Variants in DCT observed in about 807,000 individuals in gnomAD.
DCT encodes the protein dopachrome tautomerase, also known as L-dopachrome tautomerase.
Under a neutral mutation model 53.0 loss-of-function variants are expected in DCT, and 47 were observed. The observed-to-expected ratio is 0.89, with a 90% CI of 0.70 to 1.13. The LOEUF (loss-of-function observed/expected upper bound fraction) is 1.13, where lower values mean the gene tolerates loss of function less well. DCT is among the 50% of genes most tolerant of loss of function. The pLI, the probability that DCT is intolerant of heterozygous loss-of-function variation, is 0.00. For synonymous variants in DCT, 244 were observed against 237.0 expected, an observed-to-expected ratio of 1.03 and a Z score of -0.27; for missense variants, 669 against 637.4, an observed-to-expected ratio of 1.05 and a Z score of -0.53.
chr13:94,484,883 G>T, the DCT span, among the ~76,000 whole-genome samples: 1 of 152,202 alleles, frequency 6.6e-6, no homozygotes, highest in African/African-American at 2.4e-5. Flanking sequence ...ATGCAGTTCA[G>T]CTCCTAACAG....
chr13:94,462,077 G>T lies in DCT; in HGVS notation c.976C>A (p.Arg326=), dbSNP rs148575940. The stretch of plus-strand genomic sequence containing the variant: ...AACTTCTGGAGAGACAGGCAATCTC[G>T]TATGTCTTTTAAGGTTGGCAATTTC... ...SMKLPTLKDI[R]DCLSLQKFDN... Residue 326 remains arginine, a synonymous_variant, in exon 5 of 8, where the codon CGA becomes AGA. Transcript: ENST00000377028. 7 of 1,612,874 alleles carry T rather than the reference G, an allele frequency of 4.3e-6. No individual in the cohort carries two copies. The East Asian group carries it at 8.9e-5, about 21-fold the overall frequency.
intron 6 of DCT, among the ~76,000 whole-genome samples, chr13:94,458,480 T>G (rs1024450529): frequency 1.1e-4 from 17 of 152,094 alleles, no homozygotes; most frequent in African/African-American, 3.9e-4. Flanking sequence ...TTGTTTGTCT[T>G]AGAAAAGTTC....
intron 4 of DCT, among the ~76,000 whole-genome samples, chr13:94,464,165 G>A (rs752407522): frequency 8.5e-5 from 13 of 152,204 alleles, no homozygotes; most frequent in Admixed American, 6.5e-5. Flanking sequence ...GAGCACTGTA[G>A]GAAATGTACA....
chr13:94,472,440 A>G (rs1884704800), intron 1 of DCT, among the ~76,000 whole-genome samples: 1 of 147,872 alleles, frequency 6.8e-6, no homozygotes, highest in South Asian at 2.2e-4. Flanking sequence ...CATAGCTTTT[A>G]TGTTATAAAA....
At chr13:94,534,863 G>A in the DCT span, among the ~76,000 whole-genome samples, 11 of 152,338 alleles carry the variant, frequency 7.2e-5, no homozygotes, top group South Asian at 1.0e-3. Context: ...GCTGAGAGTT[G>A]CTATTAGCCG....
chr13:94,526,243 T>C, the DCT span, among the ~76,000 whole-genome samples: 61 of 152,370 alleles, frequency 4.0e-4, no homozygotes, highest in South Asian at 6.4e-3. Flanking sequence ...TCAGGCCCTG[T>C]GGGATGCCCT....
At chr13:94,548,508 T>C in the DCT span, among the ~76,000 whole-genome samples, 1 of 152,068 alleles carries the variant, frequency 6.6e-6, no homozygotes, top group African/African-American at 2.4e-5. Context: ...CACAAATAGA[T>C]AGATATTTCT....
At chr13:94,540,409 G>A in the DCT span, among the ~76,000 whole-genome samples, 1 of 152,280 alleles carries the variant, frequency 6.6e-6, no homozygotes, top group East Asian at 1.9e-4. Context: ...GAGAAAGACT[G>A]TGGGAGATCA....
chr13:94,506,638 A>G, the DCT span, among the ~76,000 whole-genome samples: 3 of 152,354 alleles, frequency 2.0e-5, no homozygotes, highest in South Asian at 6.2e-4. Context: ...GACAAATTCC[A>G]CAGTAATCAT....
chr13:94,541,496 C>A, the DCT span, among the ~76,000 whole-genome samples: 1 of 138,130 alleles, frequency 7.2e-6, no homozygotes, highest in African/African-American at 2.8e-5. Context: ...AGGAGCGAAA[C>A]CCTGTCTCAA....
At chr13:94,471,527 G>T (rs1884643802) in intron 1 of DCT, among the ~76,000 whole-genome samples, 1 of 152,154 alleles carries the variant, frequency 6.6e-6, no homozygotes, top group Non-Finnish European at 1.5e-5. Context: ...TTATGAAGCG[G>T]CTACTATCTC....
chr13:94,514,623 G>A, the DCT span, among the ~76,000 whole-genome samples: 1 of 152,198 alleles, frequency 6.6e-6, no homozygotes, highest in Non-Finnish European at 1.5e-5. Context: ...AGAGTGGGGA[G>A]CACGTGGGCA....
upstream of DCT, among the ~76,000 whole-genome samples, chr13:94,484,009 G>C (rs1885559082): frequency 6.6e-6 from 1 of 152,076 alleles, no homozygotes; most frequent in African/African-American, 2.4e-5. Context: ...ATCCACTCAG[G>C]CTAACTCACG....
the DCT span, among the ~76,000 whole-genome samples, chr13:94,548,426 C>T: frequency 6.6e-6 from 1 of 152,142 alleles, no homozygotes; most frequent in African/African-American, 2.4e-5. Context: ...AAGCATACAT[C>T]TCACAATGGT....
the DCT span, among the ~76,000 whole-genome samples, chr13:94,499,877 A>G: frequency 6.6e-6 from 1 of 152,264 alleles, no homozygotes; most frequent in East Asian, 1.9e-4. Context: ...CCTCAGCTTT[A>G]TTGAGGTTAT....
the DCT span, among the ~76,000 whole-genome samples, chr13:94,527,938 C>A: frequency 4.6e-5 from 7 of 152,190 alleles, no homozygotes; most frequent in Non-Finnish European, 1.0e-4. Context: ...GTAGAGAAGA[C>A]CGTAAATGAC....
Position 94,439,366 on chromosome 13 carries a change from A to T in DCT, c.*532T>A, listed in dbSNP as rs572576913. The T allele has an allele frequency of 3.9e-5, 6 of 152,344 alleles. No homozygotes were observed. The highest frequency in any genetic ancestry group is 7.3e-5 in the Non-Finnish European group (5 of 68,188). The allele number at this position is 152,344 out of a possible 1,614,324, so 9.4% of individuals were successfully genotyped here. A position where few individuals can be genotyped will look rare whatever the true frequency, so the allele number is the denominator to read the frequency against. Reference sequence around the variant, plus strand: ...AAAAGAAGAAAAAGAAGCCCAAGGAAGATAATCAGGAGGGTGCCTAGAAGC... The same window carrying T: ...AAAAGAAGAAAAAGAAGCCCAAGGATGATAATCAGGAGGGTGCCTAGAAGC... On this transcript the variant is annotated 3_prime_UTR_variant, in exon 8 of 8. Coordinates refer to ENST00000377028, the MANE Select transcript of DCT (RefSeq NM_001922.5).
chr13:94,476,259 A>T lies in DCT; in HGVS notation c.295+2702T>A, dbSNP rs553993414. Among the ~76,000 whole-genome samples, 4 of 125,820 alleles carry T rather than the reference A, an allele frequency of 3.2e-5. No individual in the cohort carries two copies. The South Asian group carries it at 1.0e-3, about 32-fold the overall frequency. The allele number at this position is 125,820 out of a possible 152,430, so 82.5% of individuals were successfully genotyped here. ...TCCTATTACTTCTAGAGCAATATTT[A>T]TAAACATTTCCTTACCAAAGGGAAA... On this transcript the variant is annotated intron_variant, in intron 1 of 7. Coordinates refer to ENST00000377028, the MANE Select transcript of DCT (RefSeq NM_001922.5).
chr13:94,466,635 T>C lies in DCT; in HGVS notation c.619A>G (p.Ile207Val). Residue 207 changes from isoleucine to valine, a missense_variant, in exon 3 of 8, where the codon ATA becomes GTA. Coordinates refer to ENST00000377028, the MANE Select transcript of DCT (RefSeq NM_001922.5). Reference sequence around the variant, plus strand: ...GCAGGTCCTTGATGTGAGAAATCTATGGCCCTGTAGGGGCGTCCTGGTCCT... The same window carrying C: ...GCAGGTCCTTGATGTGAGAAATCTACGGCCCTGTAGGGGCGTCCTGGTCCT... ...LLGPGRPYRA[I>V]DFSHQGPAFV... The C allele has an allele frequency of 6.2e-7, 1 of 1,610,988 alleles. No individual in the cohort carries two copies.
Sources: gnomAD v4.1 joint callset for allele counts (sites outside exome capture counted in the v4.1 genomes callset) on GRCh38, gnomAD v4.1.1 for gene constraint, MANE v1.5 for transcripts, NCBI Gene and HGNC (gene_info 2026-07-23, HGNC 2026-07-21) for gene names.